CASQ2: variants seen among roughly 807,000 people sequenced by gnomAD.
CASQ2 encodes the protein calsequestrin-2.
Under a neutral mutation model 46.5 loss-of-function variants are expected in CASQ2, and 49 were observed. The ratio of observed to expected loss-of-function variants is 1.05; its 90% CI spans 0.84 to 1.34. The LOEUF is 1.34. Ranked by LOEUF, CASQ2 falls within the 40% of genes most tolerant of loss-of-function variation. The probability of loss-of-function intolerance (pLI) is 0.00; values close to 1 mark genes in which losing one functional copy is unlikely to be tolerated. For synonymous variants in CASQ2, 174 were observed against 168.5 expected, an observed-to-expected ratio of 1.03 and a Z score of -0.25; for missense variants, 486 against 481.3, an observed-to-expected ratio of 1.01 and a Z score of -0.09.
chr1:115,757,853 A>G (rs1343916730), intron 1 of CASQ2, among the ~76,000 whole-genome samples: 1 of 152,224 alleles, frequency 6.6e-6, no homozygotes, highest in Non-Finnish European at 1.5e-5. Context: ...AAAGAGATCA[A>G]GGAGAAGTAT....
intron 1 of CASQ2, among the ~76,000 whole-genome samples, chr1:115,751,671 T>TAA (rs10542263): frequency 1.2e-4 from 18 of 148,590 alleles, no homozygotes; most frequent in East Asian, 1.2e-3. Context: ...GCCTCCATCT[T>TAA]AAAAAAAAAA....
chr1:115,700,900 C>T lies in CASQ2; in HGVS notation c.*341G>A, dbSNP rs1403760166. On this transcript the variant is annotated 3_prime_UTR_variant, in exon 11 of 11. Transcript: ENST00000261448. ...ATTTTGTTACTGTCATAATCAAAGA[C>T]AAGTAAACTTGTGTTAGGGGATTGT... The T allele has an allele frequency of 3.4e-6, 2 of 593,278 alleles. No individual in the cohort carries two copies. The highest frequency in any genetic ancestry group is 6.0e-6 in the Non-Finnish European group (2 of 334,958). The allele number at this position is 593,278 out of a possible 1,614,324, so 36.8% of individuals were successfully genotyped here.
At chr1:115,752,560 G>A (rs918099829) in intron 1 of CASQ2, among the ~76,000 whole-genome samples, 3 of 152,152 alleles carry the variant, frequency 2.0e-5, no homozygotes, top group African/African-American at 7.2e-5. Context: ...CATCCCAGGA[G>A]GAAGAAATGG....
rs770801271 is a variant in CASQ2 at position 115,768,476 on chromosome 1, C to T, written c.66G>A (p.Gly22=). The change falls in exon 1 of 11, where the codon GGG becomes GGA. Residue 22 remains glycine (G), a synonymous_variant. Coordinates refer to ENST00000261448, the MANE Select transcript of CASQ2 (RefSeq NM_001232.4). The part of the protein sequence containing the change: ...YFLSSCRAEE[G]LNFPTYDGKD... ...TCCCATCATATGTGGGGAAATTAAG[C>T]CCCTCTTCTGCCCTGCAAGAGGACA... The T allele has an allele frequency of 6.2e-7, 1 of 1,613,818 alleles. No individual in the cohort carries two copies. Among genetic ancestry groups the T allele is most frequent in the Non-Finnish European group, 8.5e-7 (1 of 1,179,810 alleles).
intron 1 of CASQ2, among the ~76,000 whole-genome samples, chr1:115,745,474 G>T (rs1292824405): frequency 6.6e-6 from 1 of 152,158 alleles, no homozygotes; most frequent in African/African-American, 2.4e-5. Context: ...AGTATCGGGG[G>T]TCAGGGGTTC....
At chr1:115,718,017 G>A (rs948957208) in intron 7 of CASQ2, 123 bp from the exon 8 acceptor site, 1 of 754,316 alleles carries the variant, frequency 1.3e-6, no homozygotes, top group Admixed American at 1.8e-5. Flanking sequence ...TGGAAGCGGG[G>A]ATGAACACAG....
chr1:115,705,259 AC>A lies in CASQ2; in HGVS notation c.871del (p.Val291LeufsTer11). ...GYEFLEILKQ[V>X]ARDNTDNPDL... The stretch of plus-strand genomic sequence containing the variant: ...GGGGTTGTCAGTATTGTCCCGGGCA[AC>A]CTGTTTCAGGATCTCCAGGAATTCG... On this transcript the variant is annotated frameshift_variant, in exon 9 of 11. Coordinates refer to ENST00000261448, the MANE Select transcript of CASQ2 (RefSeq NM_001232.4). LOFTEE classifies it high-confidence loss of function. 6.2e-7 allele frequency: 1 copy of A among 1,614,002 alleles called. No individual in the cohort carries two copies. The highest frequency in any genetic ancestry group is 2.2e-5 in the East Asian group (1 of 44,866).
chr1:115,705,113 T>C lies in CASQ2; in HGVS notation c.939+79A>G, dbSNP rs1654318371. 5 of 947,780 alleles carry C rather than the reference T, an allele frequency of 5.3e-6. No individual in the cohort carries two copies. In the Admixed American group the frequency reaches 8.4e-5, roughly 16 times the overall value. The allele number at this position is 947,780 out of a possible 1,614,324, so 58.7% of individuals were successfully genotyped here. A position where few individuals can be genotyped will look rare whatever the true frequency, so the allele number is the denominator to read the frequency against. ...GGGTTTCTTCAAGTGCCCCTGCCTA[T>C]TTCACCTCCTCAGATGCTGAACGCA... On this transcript the variant is annotated intron_variant, in intron 9 of 10. Transcript: ENST00000261448.
chr1:115,747,744 T>C (rs572770914), intron 1 of CASQ2, among the ~76,000 whole-genome samples: 2 of 152,216 alleles, frequency 1.3e-5, no homozygotes, highest in Non-Finnish European at 2.9e-5. Flanking sequence ...GTAAATTGTA[T>C]TGTATTTTTA....
At chr1:115,738,380 T>C (rs1357090485) in intron 3 of CASQ2, 45 bp from the exon 4 acceptor site, 13 of 1,236,492 alleles carry the variant, frequency 1.1e-5, no homozygotes, top group Non-Finnish European at 1.6e-5. Context: ...ACAAGAGATT[T>C]CCTTCTTCAC....
At chr1:115,715,276 A>T (rs1211378819) in intron 8 of CASQ2, among the ~76,000 whole-genome samples, 1 of 152,190 alleles carries the variant, frequency 6.6e-6, no homozygotes, top group Non-Finnish European at 1.5e-5. Flanking sequence ...TTTTCTTGAG[A>T]GGTGGAGACA....
chr1:115,739,967 T>C (rs2101094666), intron 3 of CASQ2, among the ~76,000 whole-genome samples: 1 of 152,284 alleles, frequency 6.6e-6, no homozygotes, highest in East Asian at 1.9e-4. Flanking sequence ...CCAAGCACAG[T>C]GCGTCATGAG....
At chr1:115,739,666 T>C (rs1374575437) in intron 3 of CASQ2, among the ~76,000 whole-genome samples, 1 of 152,208 alleles carries the variant, frequency 6.6e-6, no homozygotes, top group Non-Finnish European at 1.5e-5. Flanking sequence ...TATAGCTAAC[T>C]TGAGAATAGT....
At chr1:115,703,820 G>A (rs1413509126) in intron 9 of CASQ2, among the ~76,000 whole-genome samples, 3 of 151,994 alleles carry the variant, frequency 2.0e-5, no homozygotes, top group Non-Finnish European at 4.4e-5. Flanking sequence ...GCTGAGGCAG[G>A]AGGATTGCTT....
At chr1:115,724,078 G>A (rs956288782) in intron 7 of CASQ2, among the ~76,000 whole-genome samples, 3 of 152,152 alleles carry the variant, frequency 2.0e-5, no homozygotes, top group African/African-American at 2.4e-5. Flanking sequence ...AAATACTTCC[G>A]TGTTAATTCC....
intron 3 of CASQ2, among the ~76,000 whole-genome samples, chr1:115,740,405 C>G (rs1173913184): frequency 6.6e-6 from 1 of 152,172 alleles, no homozygotes; most frequent in Admixed American, 6.5e-5. Context: ...TTAGCCCCCT[C>G]ACTCCCCACA....
chr1:115,724,563 T>A (rs1277877625), intron 7 of CASQ2, among the ~76,000 whole-genome samples: 1 of 152,242 alleles, frequency 6.6e-6, no homozygotes, highest in East Asian at 1.9e-4. Context: ...CCACAGCCTT[T>A]GTTATTTATG....
Position 115,701,202 on chromosome 1 carries a change from G to A in CASQ2, c.*39C>T, listed in dbSNP as rs372259035. 117 of 1,613,034 alleles carry A rather than the reference G, an allele frequency of 7.3e-5. No individual in the cohort carries two copies. In the African/African-American group the frequency reaches 9.6e-4, roughly 13 times the overall value. On this transcript the variant is annotated 3_prime_UTR_variant, in exon 11 of 11. Coordinates refer to ENST00000261448, the MANE Select transcript of CASQ2 (RefSeq NM_001232.4). ...TTGTGCTGTCTGTATGGTAGTGGGT[G>A]CTGTGATTTTGTTTTCATCAGAATT...
At chr1:115,742,685 C>A (rs923070878) in intron 2 of CASQ2, among the ~76,000 whole-genome samples, 1 of 152,154 alleles carries the variant, frequency 6.6e-6, no homozygotes, top group Admixed American at 6.5e-5. Context: ...GGAAATTCTC[C>A]CAAATGCAAC....
Sources: allele counts gnomAD v4.1 joint callset (sites outside exome capture counted in the v4.1 genomes callset), GRCh38; gene constraint gnomAD v4.1.1; transcripts MANE v1.5; gene names NCBI Gene and HGNC (gene_info 2026-07-23, HGNC 2026-07-21).